Variants in DCLK1 observed in about 807,000 individuals in gnomAD.
DCLK1 encodes serine/threonine-protein kinase DCLK1.
DCLK1 carries 16 observed loss-of-function variants against 86.2 expected under a neutral mutation model. The ratio of observed to expected loss-of-function variants is 0.19; its 90% CI spans 0.13 to 0.28. The LOEUF is 0.28. Ranked by LOEUF, DCLK1 falls within the 10% of genes least tolerant of loss-of-function variation. The pLI is 1.00. For missense variants in DCLK1, 590 were observed against 940.2 expected, an observed-to-expected ratio of 0.63 and a Z score of 4.87; for synonymous variants, 369 against 370.5, an observed-to-expected ratio of 1.00 and a Z score of 0.05.
chr13:35,860,301 G>GA (rs1030973366), intron 5 of DCLK1, among the ~76,000 whole-genome samples: 3 of 147,520 alleles, frequency 2.0e-5, no homozygotes, highest in Non-Finnish European at 4.4e-5. Flanking sequence ...TATTGAGAAG[G>GA]AAAAAAAATG....
chr13:35,869,853 C>A (rs748881229), intron 5 of DCLK1, among the ~76,000 whole-genome samples: 11 of 152,160 alleles, frequency 7.2e-5, no homozygotes, highest in Non-Finnish European at 1.3e-4. Context: ...GGACCACAGA[C>A]TACCCGATCC....
chr13:35,838,575 C>T (rs1057216339), intron 7 of DCLK1, among the ~76,000 whole-genome samples: 6 of 152,186 alleles, frequency 3.9e-5, no homozygotes, highest in South Asian at 2.1e-4. Flanking sequence ...GATCATTTGA[C>T]CACATCACAG....
chr13:36,016,438 C>A (rs571375332), intron 3 of DCLK1, among the ~76,000 whole-genome samples: 1 of 152,172 alleles, frequency 6.6e-6, no homozygotes, highest in East Asian at 1.9e-4. Flanking sequence ...GATTCCATTC[C>A]CTCCCCCATC....
At chr13:36,129,682 T>G (rs543941458) in intron 1 of DCLK1, among the ~76,000 whole-genome samples, 1 of 152,280 alleles carries the variant, frequency 6.6e-6, no homozygotes, top group African/African-American at 2.4e-5. Context: ...AACACACAGC[T>G]CAATGTTCAG....
At chr13:35,982,405 A>G (rs1399067541) in intron 3 of DCLK1, among the ~76,000 whole-genome samples, 1 of 123,732 alleles carries the variant, frequency 8.1e-6, no homozygotes, top group Non-Finnish European at 1.7e-5. Context: ...AAAAGAAAAG[A>G]AAGGGAGAGA....
At chr13:35,821,183 A>C (rs1451740775) in intron 11 of DCLK1, among the ~76,000 whole-genome samples, 1 of 152,200 alleles carries the variant, frequency 6.6e-6, no homozygotes, top group South Asian at 2.1e-4. Flanking sequence ...TATGAAATGA[A>C]ACAGTAATAG....
At chr13:35,925,709 T>C (rs9574930) in intron 4 of DCLK1, among the ~76,000 whole-genome samples, 100,055 of 152,050 alleles carry the variant, frequency 0.66, 33,297 homozygotes, top group Admixed American at 0.76. Context: ...TTTGTGTGTT[T>C]GGTTGTTGTT....
chr13:36,127,326 A>C (rs568679050), intron 1 of DCLK1, among the ~76,000 whole-genome samples: 1 of 152,378 alleles, frequency 6.6e-6, no homozygotes, highest in African/African-American at 2.4e-5. Flanking sequence ...AGGAGAAGGA[A>C]GAGGAACAAC....
intron 8 of DCLK1, among the ~76,000 whole-genome samples, chr13:35,830,160 C>T (rs151246540): frequency 0.039 from 5,888 of 151,936 alleles, 184 homozygotes; most frequent in East Asian, 0.11. Context: ...CCAAGGTGGG[C>T]GGATCACTTG....
At chr13:35,833,249 C>T (rs1869101547) in intron 8 of DCLK1, among the ~76,000 whole-genome samples, 1 of 152,140 alleles carries the variant, frequency 6.6e-6, no homozygotes, top group Admixed American at 6.6e-5. Context: ...GGGGCACCAT[C>T]CCTGCTCATG....
chr13:35,882,012 T>C (rs956492054), intron 4 of DCLK1, among the ~76,000 whole-genome samples: 2 of 152,224 alleles, frequency 1.3e-5, no homozygotes, highest in African/African-American at 4.8e-5. Context: ...ATGCTTTAGT[T>C]GCCATAACAA....
chr13:35,957,189 A>G (rs1336006382), intron 3 of DCLK1, among the ~76,000 whole-genome samples: 1 of 152,050 alleles, frequency 6.6e-6, no homozygotes, highest in Admixed American at 6.6e-5. Context: ...AGCTAGTGTA[A>G]GGTGCTTTAC....
At chr13:36,127,355 T>C (rs1886223165) in intron 1 of DCLK1, among the ~76,000 whole-genome samples, 2 of 152,222 alleles carry the variant, frequency 1.3e-5, no homozygotes, top group South Asian at 4.1e-4. Flanking sequence ...AAAAAATGTT[T>C]GGAAGTACAT....
At chr13:36,059,585 G>A (rs1883461965) in intron 3 of DCLK1, among the ~76,000 whole-genome samples, 1 of 152,134 alleles carries the variant, frequency 6.6e-6, no homozygotes, top group Admixed American at 6.5e-5. Flanking sequence ...TTTGACTTGA[G>A]GGATTTGACT....
At chr13:35,988,053 C>T (rs992449218) in intron 3 of DCLK1, among the ~76,000 whole-genome samples, 3 of 152,084 alleles carry the variant, frequency 2.0e-5, no homozygotes, top group African/African-American at 7.2e-5. Context: ...CACTTTTGGA[C>T]ATTTCTTGTT....
At chr13:36,120,255 G>A (rs12018390) in intron 2 of DCLK1, among the ~76,000 whole-genome samples, 4 of 151,778 alleles carry the variant, frequency 2.6e-5, no homozygotes, top group Non-Finnish European at 5.9e-5. Context: ...ACATCTACAC[G>A]GCAAAAAACA....
In DCLK1 at chr13:36,114,592, T is replaced by G. The variant is rs548513328; in HGVS notation, c.377-2377A>C. ...TAATAAATTTCCATTGATTTCCTTATGCTAATACATTTCCATTTTATCATG... is the reference window on the plus strand; with the variant it reads ...TAATAAATTTCCATTGATTTCCTTAGGCTAATACATTTCCATTTTATCATG... On this transcript the variant is annotated intron_variant, in intron 2 of 16. Transcript: ENST00000360631. Among the ~76,000 whole-genome samples, 5 of 152,384 alleles carry G rather than the reference T, an allele frequency of 3.3e-5. No homozygotes were observed. The South Asian group carries it at 1.0e-3, about 32-fold the overall frequency.
At chr13:35,954,783 T>C (rs1472195163) in intron 3 of DCLK1, among the ~76,000 whole-genome samples, 2 of 151,786 alleles carry the variant, frequency 1.3e-5, no homozygotes, top group African/African-American at 2.4e-5. Context: ...AAGAAGAAAA[T>C]AAAGATCCTC....
intron 3 of DCLK1, among the ~76,000 whole-genome samples, chr13:36,096,312 G>A (rs1885021416): frequency 6.6e-6 from 1 of 152,134 alleles, no homozygotes. Context: ...CTTGTTTTTG[G>A]TTTAGAGATG....
Sources: gnomAD v4.1 joint callset for allele counts (sites outside exome capture counted in the v4.1 genomes callset) on GRCh38, gnomAD v4.1.1 for gene constraint, MANE v1.5 for transcripts, NCBI Gene and HGNC (gene_info 2026-07-23, HGNC 2026-07-21) for gene names.